Variants in RNF141 observed in about 807,000 individuals in gnomAD.
RNF141 encodes C3HC4-like zinc finger protein.
A neutral mutation model predicts 27.4 loss-of-function variants in RNF141; 18 were observed. That is an observed-to-expected ratio of 0.66 (90% confidence interval 0.45 to 0.97). RNF141 has a LOEUF of 0.97. Ranked by LOEUF, RNF141 falls within the 50% of genes least tolerant of loss-of-function variation. The probability of loss-of-function intolerance (pLI) is 0.00; values close to 1 mark genes in which losing one functional copy is unlikely to be tolerated. For missense variants in RNF141, 230 were observed against 279.4 expected (o/e 0.82, Z 1.26); for synonymous variants, 97 against 96.6 (o/e 1.00, Z -0.02).
intron 2 of RNF141, among the ~76,000 whole-genome samples, chr11:10,531,568 TTATATA>T (rs1436507204): frequency 1.3e-5 from 2 of 152,172 alleles, no homozygotes; most frequent in Non-Finnish European, 2.9e-5. Context: ...TTGAGACACT[TTATATA>T]TAGCTCTACT....
chr11:10,533,265 G>T (rs965366079), intron 2 of RNF141, among the ~76,000 whole-genome samples: 3 of 152,014 alleles, frequency 2.0e-5, no homozygotes, highest in African/African-American at 7.2e-5. Flanking sequence ...CAGGAACAAA[G>T]AGCCCTATAT....
chr11:10,531,867 C>A, intron 2 of RNF141: 1 of 237,958 alleles, frequency 4.2e-6, no homozygotes, highest in South Asian at 3.8e-5. Flanking sequence ...TTCAGCCGTG[C>A]CAGTTTCCAG....
chr11:10,538,540 C>T (rs1250056802), intron 1 of RNF141, among the ~76,000 whole-genome samples: 1 of 152,196 alleles, frequency 6.6e-6, no homozygotes, highest in Admixed American at 6.5e-5. Context: ...CATACTATGA[C>T]ATTCGTTAAG....
At position 10,527,646 on chromosome 11, in the gene RNF141, G is replaced by T. The variant is rs1035660296; in HGVS notation, c.253-2273C>A. On this transcript the variant is annotated intron_variant, in intron 3 of 5. Coordinates refer to ENST00000265981, the MANE Select transcript of RNF141 (RefSeq NM_016422.4). ...TGATTCCAAGTGCATGAGAAGTCACGGGGGGGGGTTTTGAGCCAAGGAGTA... is the reference window on the plus strand; with the variant it reads ...TGATTCCAAGTGCATGAGAAGTCACTGGGGGGGGTTTTGAGCCAAGGAGTA... Among the ~76,000 whole-genome samples, 3 of 16,312 alleles carry T rather than the reference G, an allele frequency of 1.8e-4. No homozygotes were observed. The Admixed American group carries it at 2.5e-3, about 14-fold the overall frequency. 10.7% of individuals were successfully genotyped at this position (16,312 alleles called of 152,430 possible).
At chr11:10,517,542 GAAAAAACT>G (rs1849852324) in intron 5 of RNF141, 1 of 151,512 alleles carries the variant, frequency 6.6e-6, no homozygotes, top group Non-Finnish European at 1.5e-5. Context: ...CAAGAAACAT[GAAAAAACT>G]ACTCTAAGGC....
At chr11:10,539,715 A>C (rs1346920792) in intron 1 of RNF141, among the ~76,000 whole-genome samples, 11 of 8,260 alleles carry the variant, frequency 1.3e-3, no homozygotes, top group African/African-American at 4.8e-3. Flanking sequence ...AGAGAAGGAG[A>C]GAGAAACTAC....
chr11:10,530,649 A>G lies in RNF141; in HGVS notation c.246T>C (p.Cys82=), dbSNP rs760475691. ...AAGTCTCCATCAGTCTCACCTTGGTACAGACCACCCGTACAACCACTTTCC... is the reference window on the plus strand; with the variant it reads ...AAGTCTCCATCAGTCTCACCTTGGTGCAGACCACCCGTACAACCACTTTCC... ...AFWKVVVRVV[C]TKINKSSGIV... Residue 82 remains cysteine (C), a synonymous_variant, in exon 3 of 6, where the codon TGT becomes TGC. Coordinates refer to ENST00000265981, the MANE Select transcript of RNF141 (RefSeq NM_016422.4). 61 of 1,599,396 alleles carry G rather than the reference A, an allele frequency of 3.8e-5. No individual in the cohort carries two copies. In the South Asian group the frequency reaches 6.2e-4, roughly 16 times the overall value.
At chr11:10,539,130 T>C (rs1303983993) in intron 1 of RNF141, among the ~76,000 whole-genome samples, 1 of 152,206 alleles carries the variant, frequency 6.6e-6, no homozygotes, top group Non-Finnish European at 1.5e-5. Flanking sequence ...CTCTAGTGGG[T>C]GGTACATAGT....
In RNF141 at chr11:10,519,052, T is replaced by C. The variant is rs772049460; in HGVS notation, c.524A>G (p.Gln175Arg). 6.2e-7 allele frequency: 1 copy of C among 1,613,906 alleles called. No individual in the cohort carries two copies. The highest frequency in any genetic ancestry group is 8.5e-7 in the Non-Finnish European group (1 of 1,179,846). ...AACTTACCATTTATCAATACACTTC[T>C]GACAAAAGCTGTGAGCACAAGGCAG... is the stretch of plus-strand genomic sequence containing the variant. The part of the protein sequence containing the change: ...LILPCAHSFC[Q>R]KCIDKWSDRH... Residue 175 changes from glutamine (Q) to arginine (R), a missense_variant, in exon 5 of 6, where the codon CAG becomes CGG. By Grantham distance (43) the Gln-to-Arg change is conservative (BLOSUM62 1). Transcript: ENST00000265981.
chr11:10,529,315 G>A (rs1428234592), intron 3 of RNF141, among the ~76,000 whole-genome samples: 2 of 152,214 alleles, frequency 1.3e-5, no homozygotes, highest in South Asian at 2.1e-4. Context: ...AGTCTATAGA[G>A]TTAGGATTTC....
chr11:10,526,860 A>G (rs1011025299), intron 3 of RNF141, among the ~76,000 whole-genome samples: 1 of 152,228 alleles, frequency 6.6e-6, no homozygotes, highest in Non-Finnish European at 1.5e-5. Flanking sequence ...AAGTTGATTA[A>G]ATTTTGGGAA....
intron 1 of RNF141, among the ~76,000 whole-genome samples, chr11:10,537,022 C>T (rs991143549): frequency 6.6e-6 from 1 of 152,076 alleles, no homozygotes; most frequent in Non-Finnish European, 1.5e-5. Flanking sequence ...AGTTTGGTAA[C>T]AATGAAGCAA....
At chr11:10,520,428 C>T (rs4909939) in intron 4 of RNF141, among the ~76,000 whole-genome samples, 151,354 of 152,294 alleles carry the variant, frequency 0.99, 75,213 homozygotes, top group Middle Eastern at 1. Context: ...GTCAGGATCA[C>T]CACCATCACT....
At chr11:10,536,370 T>C (rs1850034831) in intron 1 of RNF141, among the ~76,000 whole-genome samples, 1 of 152,144 alleles carries the variant, frequency 6.6e-6, no homozygotes, top group South Asian at 2.1e-4. Context: ...AGAGGGAAAC[T>C]GGCACCAAGA....
chr11:10,535,806 T>C (rs1850029441), intron 1 of RNF141, among the ~76,000 whole-genome samples: 1 of 152,248 alleles, frequency 6.6e-6, no homozygotes. Context: ...CAATGAGGTA[T>C]ACCACATATT....
intron 3 of RNF141, among the ~76,000 whole-genome samples, chr11:10,527,404 T>G (rs1849945024): frequency 6.6e-6 from 1 of 152,192 alleles, no homozygotes; most frequent in Non-Finnish European, 1.5e-5. Flanking sequence ...ATGAGTCATA[T>G]AGATGTCTAG....
chr11:10,515,431 G>C (rs1849835711), intron 5 of RNF141: 1 of 163,654 alleles, frequency 6.1e-6, no homozygotes, highest in Non-Finnish European at 1.3e-5. Flanking sequence ...GCCATAATTT[G>C]TTTAACTAGT....
chr11:10,530,295 A>G (rs1230983303), intron 3 of RNF141, among the ~76,000 whole-genome samples: 1 of 152,206 alleles, frequency 6.6e-6, no homozygotes, highest in Non-Finnish European at 1.5e-5. Flanking sequence ...AATGATCTCA[A>G]GATAACATTA....
At chr11:10,536,728 CGAG>C (rs1850040508) in intron 1 of RNF141, among the ~76,000 whole-genome samples, 1 of 152,114 alleles carries the variant, frequency 6.6e-6, no homozygotes, top group East Asian at 1.9e-4. Flanking sequence ...CCTCCCAGGC[CGAG>C]GATTACAGGC....
Sources: allele counts gnomAD v4.1 joint callset (sites outside exome capture counted in the v4.1 genomes callset), GRCh38; gene constraint gnomAD v4.1.1; transcripts MANE v1.5; gene names NCBI Gene and HGNC (gene_info 2026-07-23, HGNC 2026-07-21).